The following CYTH1 variants were observed in gnomAD, a reference collection of about 807,000 sequenced individuals.
CYTH1 encodes the protein cytohesin-1.
CYTH1 carries 18 observed loss-of-function variants against 61.8 expected under a neutral mutation model. The ratio of observed to expected loss-of-function variants is 0.29; its 90% CI spans 0.20 to 0.43. The LOEUF (loss-of-function observed/expected upper bound fraction) is 0.43, where lower values mean the gene tolerates loss of function less well. CYTH1 is among the 20% of genes least tolerant of loss of function. The pLI, the probability that CYTH1 is intolerant of heterozygous loss-of-function variation, is 1.00. For missense variants in CYTH1, 336 were observed against 510.5 expected (o/e 0.66, Z 3.29); for synonymous variants, 174 against 184.3 (o/e 0.94, Z 0.45).
Position 78,701,760 on chromosome 17 carries a change from A to G in CYTH1, c.357-9T>C. 1 of 1,614,028 alleles carries G rather than the reference A, an allele frequency of 6.2e-7. No homozygotes were observed. The highest frequency in any genetic ancestry group is 8.5e-7 in the Non-Finnish European group (1 of 1,179,898). On this transcript the variant is annotated splice_polypyrimidine_tract_variant and intron_variant, in intron 5 of 13. Coordinates refer to ENST00000446868, the MANE Select transcript of CYTH1 (RefSeq NM_004762.6). ...GGATATTAAACTCATCTCTATCGAG[A>G]AAAGACAAAAAATGGGAGAGAAAGC...
intron 1 of CYTH1, among the ~76,000 whole-genome samples, chr17:78,769,661 C>A (rs571428283): frequency 6.6e-6 from 1 of 152,306 alleles, no homozygotes; most frequent in Admixed American, 6.5e-5. Flanking sequence ...ACAGGGACTA[C>A]ATGGTATGAA....
At chr17:78,757,718 G>A (rs986327096) in intron 1 of CYTH1, among the ~76,000 whole-genome samples, 60 of 152,116 alleles carry the variant, frequency 3.9e-4, no homozygotes, top group African/African-American at 1.4e-3. Flanking sequence ...ACTGCCTGAG[G>A]TCAGGAGTTT....
At chr17:78,756,826 A>G (rs887977311) in intron 1 of CYTH1, among the ~76,000 whole-genome samples, 2 of 141,440 alleles carry the variant, frequency 1.4e-5, no homozygotes, top group Admixed American at 1.4e-4. Context: ...GATCTCATTT[A>G]AAAAAAAAAA....
At chr17:78,757,869 A>C (rs1000605458) in intron 1 of CYTH1, among the ~76,000 whole-genome samples, 1 of 151,826 alleles carries the variant, frequency 6.6e-6, no homozygotes, top group Non-Finnish European at 1.5e-5. Flanking sequence ...CCAAGATCGC[A>C]CCACTGCACT....
chr17:78,770,018 C>T (rs2093464244), intron 1 of CYTH1, among the ~76,000 whole-genome samples: 1 of 151,868 alleles, frequency 6.6e-6, no homozygotes, highest in Non-Finnish European at 1.5e-5. Flanking sequence ...GGCATGGTGG[C>T]GTGTACCTGT....
At chr17:78,699,850 A>G (rs1332686123) in intron 7 of CYTH1, among the ~76,000 whole-genome samples, 1 of 152,116 alleles carries the variant, frequency 6.6e-6, no homozygotes, top group Non-Finnish European at 1.5e-5. Context: ...CTGTGGTGCA[A>G]TCATAGCTCA....
chr17:78,680,094 A>G (rs939496065), intron 13 of CYTH1, 96 bp downstream of exon 13: 90 of 1,486,316 alleles, frequency 6.1e-5, no homozygotes, highest in Non-Finnish European at 8.0e-5. Context: ...AGCACAGAAG[A>G]GATGCGGGCG....
intron 1 of CYTH1, among the ~76,000 whole-genome samples, chr17:78,765,094 G>A (rs1056216212): frequency 3.3e-5 from 5 of 152,144 alleles, no homozygotes; most frequent in African/African-American, 9.7e-5. Context: ...AGAAAGGCCC[G>A]AGCTGGGGAG....
chr17:78,736,650 A>G (rs1420000317), intron 1 of CYTH1: 1 of 336,634 alleles, frequency 3.0e-6, no homozygotes. Flanking sequence ...CATATACCCC[A>G]AGCCGCATCA....
At chr17:78,780,982 C>T (rs2093514773) in intron 1 of CYTH1, among the ~76,000 whole-genome samples, 1 of 151,698 alleles carries the variant, frequency 6.6e-6, no homozygotes, top group Non-Finnish European at 1.5e-5. Context: ...TGCACTACAG[C>T]CTGGGCGACA....
rs765884357 is a variant in CYTH1 at position 78,702,548 on chromosome 17, T to C, written c.227A>G (p.Asp76Gly). 5 of 1,613,844 alleles carry C rather than the reference T, an allele frequency of 3.1e-6. No individual in the cohort carries two copies. The highest frequency in any genetic ancestry group is 3.4e-6 in the Non-Finnish European group (4 of 1,179,994). ...VAMGRKKFNM[D>G]PKKGIQFLIE... is the part of the protein sequence containing the mutation. ...TTCTTTCTCACTTACCTTTTTAGGG[T>C]CCATATTAAATTTTTTCCTGCCCAT... The change falls in exon 4 of 14, where the codon GAC becomes GGC. Residue 76 changes from aspartate to glycine, a missense_variant. Coordinates refer to ENST00000446868, the MANE Select transcript of CYTH1 (RefSeq NM_004762.6).
chr17:78,738,280 A>G (rs996131549), intron 1 of CYTH1, among the ~76,000 whole-genome samples: 1 of 152,220 alleles, frequency 6.6e-6, no homozygotes, highest in African/African-American at 2.4e-5. Flanking sequence ...CGCCATCCCC[A>G]GATCACAGAT....
chr17:78,748,020 C>CA (rs2093365930), intron 1 of CYTH1, among the ~76,000 whole-genome samples: 1 of 151,948 alleles, frequency 6.6e-6, no homozygotes, highest in South Asian at 2.1e-4. Flanking sequence ...TTGCTTCATT[C>CA]AAAAAAACAA....
intron 1 of CYTH1, among the ~76,000 whole-genome samples, chr17:78,711,144 C>T (rs2144423827): frequency 1.3e-5 from 2 of 151,834 alleles, no homozygotes; most frequent in Middle Eastern, 6.8e-3. Context: ...TGCCTGTAGT[C>T]CCAGCTACTC....
At chr17:78,760,676 G>A (rs999333032) in intron 1 of CYTH1, among the ~76,000 whole-genome samples, 1 of 148,292 alleles carries the variant, frequency 6.7e-6, no homozygotes, top group Non-Finnish European at 1.5e-5. Context: ...ATCAAAAATC[G>A]CATTACAACA....
intron 1 of CYTH1, among the ~76,000 whole-genome samples, chr17:78,712,880 G>C (rs1386224861): frequency 6.6e-6 from 1 of 151,704 alleles, no homozygotes; most frequent in East Asian, 1.9e-4. Flanking sequence ...AGAACTCAAG[G>C]GTGATCACTC....
Position 78,675,730 on chromosome 17 carries a change from C to A in CYTH1, c.*361G>T. 1.8e-6 allele frequency: 1 copy of A among 569,526 alleles called. No homozygotes were observed. The allele number at this position is 569,526 out of a possible 1,614,324, so 35.3% of individuals were successfully genotyped here. On this transcript the variant is annotated 3_prime_UTR_variant, in exon 14 of 14. Coordinates refer to ENST00000446868, the MANE Select transcript of CYTH1 (RefSeq NM_004762.6). ...TATATGGACACATGTATTTATGGTGCAGGGTTTGAAGGCTTCTTCACGGGG... is the reference window on the plus strand; with the variant it reads ...TATATGGACACATGTATTTATGGTGAAGGGTTTGAAGGCTTCTTCACGGGG...
At chr17:78,708,394 A>G (rs1254957450) in intron 2 of CYTH1, 133 bp from the exon 3 acceptor site, 2 of 811,340 alleles carry the variant, frequency 2.5e-6, no homozygotes, top group African/African-American at 1.8e-5. Context: ...CAAAAATGCA[A>G]AAAGTAAATT....
intron 1 of CYTH1, among the ~76,000 whole-genome samples, chr17:78,768,689 T>C (rs1358534457): frequency 6.6e-6 from 1 of 152,018 alleles, no homozygotes; most frequent in Non-Finnish European, 1.5e-5. Flanking sequence ...CCTCATCACC[T>C]AGCTCACCTA....
Sources: gnomAD v4.1 joint callset for allele counts (sites outside exome capture counted in the v4.1 genomes callset) on GRCh38, gnomAD v4.1.1 for gene constraint, MANE v1.5 for transcripts, NCBI Gene and HGNC (gene_info 2026-07-23, HGNC 2026-07-21) for gene names.